SLIT3: variants seen among roughly 807,000 people sequenced by gnomAD.
The protein encoded by SLIT3 is slit guidance ligand 3, also known as slit homolog 3 protein.
A neutral mutation model predicts 184.0 loss-of-function variants in SLIT3; 68 were observed. That is an observed-to-expected ratio of 0.37 (90% CI 0.30 to 0.45). The LOEUF (loss-of-function observed/expected upper bound fraction) is 0.45. Among genes scored for constraint, SLIT3 ranks in the 20% least tolerant of loss-of-function variants. The pLI is 1.00. For missense variants in SLIT3, 1,707 were observed against 2,026.0 expected, an observed-to-expected ratio of 0.84 and a Z score of 3.02; for synonymous variants, 831 against 828.6, an observed-to-expected ratio of 1.00 and a Z score of -0.05.
At chr5:169,242,517 C>G (rs937179017) in intron 3 of SLIT3, among the ~76,000 whole-genome samples, 2 of 152,178 alleles carry the variant, frequency 1.3e-5, no homozygotes, top group Non-Finnish European at 2.9e-5. Flanking sequence ...ATTTTTCATG[C>G]TGTTTTCTCT....
At chr5:169,006,013 G>A (rs1299621096) in intron 4 of SLIT3, among the ~76,000 whole-genome samples, 3 of 152,228 alleles carry the variant, frequency 2.0e-5, no homozygotes, top group African/African-American at 4.8e-5. Context: ...CTCAGTGCCA[G>A]GCACTGTGCT....
chr5:168,979,728 G>A (rs1754887960), intron 4 of SLIT3, among the ~76,000 whole-genome samples: 1 of 152,128 alleles, frequency 6.6e-6, no homozygotes, highest in Admixed American at 6.6e-5. Context: ...TATCCCTTCT[G>A]GAAAATCCAA....
At chr5:169,147,400 C>G (rs1761960857) in intron 4 of SLIT3, among the ~76,000 whole-genome samples, 1 of 152,210 alleles carries the variant, frequency 6.6e-6, no homozygotes, top group Non-Finnish European at 1.5e-5. Context: ...TCCTGAGCAG[C>G]TGTGACTATG....
intron 12 of SLIT3, among the ~76,000 whole-genome samples, chr5:168,777,407 G>A (rs1361128437): frequency 6.6e-6 from 1 of 152,194 alleles, no homozygotes; most frequent in Non-Finnish European, 1.5e-5. Flanking sequence ...CGATGGCCAT[G>A]GGGAGAAAGA....
At position 169,125,532 on chromosome 5, in the gene SLIT3, G is replaced by A. The variant is rs185661687; in HGVS notation, c.413+67947C>T. Among the ~76,000 whole-genome samples the A allele has an allele frequency of 6.6e-5, 10 of 152,302 alleles. No individual in the cohort carries two copies. In the South Asian group the frequency reaches 1.5e-3, roughly 22 times the overall value. ...CAGGGGAGCTTGTTCCTGACTCACA[G>A]TGAAGGTTTACCCTGACTCCCACTG... is the stretch of plus-strand genomic sequence containing the variant. On this transcript the variant is annotated intron_variant, in intron 4 of 35. Transcript: ENST00000519560.
At chr5:168,856,857 A>C (rs776203123) in intron 5 of SLIT3, among the ~76,000 whole-genome samples, 1 of 149,960 alleles carries the variant, frequency 6.7e-6, no homozygotes, top group Non-Finnish European at 1.5e-5. Flanking sequence ...AAGGCAAGGA[A>C]GGAGGCCAGG....
chr5:168,820,094 C>T (rs1327680849), intron 7 of SLIT3, among the ~76,000 whole-genome samples: 1 of 152,182 alleles, frequency 6.6e-6, no homozygotes, highest in African/African-American at 2.4e-5. Flanking sequence ...GAAAAATAAT[C>T]ATAATGGCAT....
chr5:169,295,447 C>T (rs1300993755), intron 1 of SLIT3, among the ~76,000 whole-genome samples: 1 of 152,252 alleles, frequency 6.6e-6, no homozygotes, highest in East Asian at 1.9e-4. Flanking sequence ...ACATTCACAG[C>T]ATCCCCATGA....
Position 168,768,911 on chromosome 5 carries a change from T to C in SLIT3, c.1459+3870A>G, listed in dbSNP as rs116739993. Among the ~76,000 whole-genome samples the C allele has an allele frequency of 4.0e-3, 602 of 152,178 alleles. 5 individuals are homozygous for C. Among genetic ancestry groups the C allele is most frequent in the African/African-American group, 0.014 (562 of 41,510 alleles). ...CAGTGGGGTGTCAAAAGAAAATATATCTCTCTAGCCAGAGAGAAAGACAGG... is the reference window on the plus strand; with the variant it reads ...CAGTGGGGTGTCAAAAGAAAATATACCTCTCTAGCCAGAGAGAAAGACAGG... On this transcript the variant is annotated intron_variant, in intron 14 of 35. Coordinates refer to ENST00000519560, the MANE Select transcript of SLIT3 (RefSeq NM_003062.4).
chr5:169,274,067 G>A (rs1161522613), intron 1 of SLIT3, among the ~76,000 whole-genome samples: 1 of 152,150 alleles, frequency 6.6e-6, no homozygotes, highest in Non-Finnish European at 1.5e-5. Flanking sequence ...GGGGTTCCCG[G>A]ACCAGCAGTA....
Position 169,014,096 on chromosome 5 carries a change from AAGGCAGGC to A in SLIT3, c.414-130768_414-130761del, listed in dbSNP as rs60057409. 6.7e-5 allele frequency among the ~76,000 whole-genome samples: 10 copies of A among 150,326 alleles called. No homozygotes were observed. In the East Asian group the frequency reaches 7.9e-4, roughly 12 times the overall value. ...CAATACAGAATGTTTTGTGGGAAGG[AAGGCAGGC>A]AGGCAGGCAGGCAGGCAGGCAGGTT... On this transcript the variant is annotated intron_variant, in intron 4 of 35. Coordinates refer to ENST00000519560, the MANE Select transcript of SLIT3 (RefSeq NM_003062.4).
At chr5:169,267,726 G>A (rs1200240390) in intron 1 of SLIT3, among the ~76,000 whole-genome samples, 1 of 152,118 alleles carries the variant, frequency 6.6e-6, no homozygotes. Context: ...ACAAAATATC[G>A]GCAACAGGAG....
At chr5:168,841,563 TCA>T (rs1758251139) in intron 6 of SLIT3, among the ~76,000 whole-genome samples, 1 of 151,956 alleles carries the variant, frequency 6.6e-6, no homozygotes, top group African/African-American at 2.4e-5. Context: ...TGGGCAGATT[TCA>T]GTCTTTCCCA....
Position 168,669,824 on chromosome 5 carries a change from C to A in SLIT3, c.4295G>T (p.Cys1432Phe). ...GCCGCTAAAGCCGGGCTGGCACAGG[C>A]AGTAGGGCTCCCCTTGGTCTGAGAT... ...CHISDQGEPY[C>F]LCQPGFSGEH... is the part of the protein sequence containing the mutation. The change falls in exon 35 of 36, where the codon TGC becomes TTC. Residue 1432 changes from cysteine to phenylalanine, a missense_variant. By Grantham distance (205) the Cys-to-Phe change is radical. Around this residue, in one of 3 missense-constraint regions of SLIT3, gnomAD observed 387 missense variants for 477.9 expected, o/e 0.81. Transcript: ENST00000519560. The A allele has an allele frequency of 6.2e-7, 1 of 1,614,086 alleles. No individual in the cohort carries two copies. Among genetic ancestry groups the A allele is most frequent in the Non-Finnish European group, 8.5e-7 (1 of 1,180,044 alleles).
chr5:168,889,495 T>A (rs2113804144), intron 4 of SLIT3, among the ~76,000 whole-genome samples: 1 of 152,360 alleles, frequency 6.6e-6, no homozygotes, highest in East Asian at 1.9e-4. Flanking sequence ...TTTCTGAATA[T>A]TTCATTGCAG....
chr5:168,954,489 G>A (rs6555838), intron 4 of SLIT3, among the ~76,000 whole-genome samples: 66,890 of 151,974 alleles, frequency 0.44, 16,223 homozygotes, highest in African/African-American at 0.66. Context: ...TCAGATTCCC[G>A]GCTCACAGCT....
chr5:169,260,361 C>T (rs1401907100), intron 1 of SLIT3, among the ~76,000 whole-genome samples: 2 of 152,152 alleles, frequency 1.3e-5, no homozygotes, highest in East Asian at 3.9e-4. Flanking sequence ...GAATGGGCCA[C>T]ATCACAGAAA....
intron 18 of SLIT3, chr5:168,752,594 C>T: frequency 4.9e-6 from 1 of 204,026 alleles, no homozygotes; most frequent in South Asian, 1.0e-4. Flanking sequence ...GGGGTTTCAC[C>T]ATGTTGGTCA....
chr5:168,937,560 G>T (rs1426920543), intron 4 of SLIT3, among the ~76,000 whole-genome samples: 3 of 152,134 alleles, frequency 2.0e-5, no homozygotes, highest in Non-Finnish European at 4.4e-5. Flanking sequence ...GGGTAAGGGG[G>T]AGTTGGATCT....
Sources: gnomAD v4.1 joint callset for allele counts (sites outside exome capture counted in the v4.1 genomes callset) on GRCh38, gnomAD v4.1.1 for gene constraint, gnomAD v4.1.1 regional missense constraint, MANE v1.5 for transcripts, NCBI Gene and HGNC (gene_info 2026-07-23, HGNC 2026-07-21) for gene names.